CHFR: variants seen among roughly 807,000 people sequenced by gnomAD.
CHFR encodes checkpoint with forkhead and ring finger domains.
Under a neutral mutation model 87.6 loss-of-function variants are expected in CHFR, and 57 were observed. The observed-to-expected ratio is 0.65, with a 90% CI of 0.53 to 0.81. CHFR has a LOEUF of 0.81. CHFR is among the 30% of genes least tolerant of loss of function. CHFR has a pLI of 0.00. For synonymous variants in CHFR, 381 were observed against 359.2 expected (o/e 1.06, Z -0.69); for missense variants, 797 against 865.8 (o/e 0.92, Z 1.00).
chr12:132,843,810 G>T (rs1010224370), intron 16 of CHFR, among the ~76,000 whole-genome samples: 2 of 152,010 alleles, frequency 1.3e-5, no homozygotes, highest in African/African-American at 4.8e-5. Context: ...TTAGCCGGGC[G>T]TGGTGGCGGG....
chr12:132,853,492 G>A lies in CHFR; in HGVS notation c.1311C>T (p.Gly437=), dbSNP rs374006779. The A allele has an allele frequency of 2.3e-5, 35 of 1,532,750 alleles. No homozygotes were observed. In the African/African-American group the frequency reaches 3.5e-4, roughly 15 times the overall value. The allele number at this position is 1,532,750 out of a possible 1,614,324, so 94.9% of individuals were successfully genotyped here. A position where few individuals can be genotyped will look rare whatever the true frequency, so the allele number is the denominator to read the frequency against. The change falls in exon 11 of 18, where the codon GGC becomes GGT. Residue 437 remains glycine (G), a synonymous_variant. Transcript: ENST00000450056. ...CCAGGGCCTGTGGGGCTCCTGGCTC[G>A]CCCTCGGGTGCTGGGCAGTGGGGAG... is the stretch of plus-strand genomic sequence containing the variant. The part of the protein sequence containing the change: ...AQPPHCPAPE[G]EPGAPQALGD...
At chr12:132,863,585 T>A (rs867772034) in intron 6 of CHFR, among the ~76,000 whole-genome samples, 3 of 152,024 alleles carry the variant, frequency 2.0e-5, no homozygotes, top group African/African-American at 7.3e-5. Flanking sequence ...AGTGGAGGGA[T>A]GCATAGCTTC....
In CHFR at chr12:132,839,851, CT is replaced by C. The variant is rs1332470640; in HGVS notation, c.*1702del. 1.2e-5 allele frequency: 2 copies of C among 166,568 alleles called. No individual in the cohort carries two copies. The highest frequency in any genetic ancestry group is 2.0e-4 in the East Asian group (1 of 4,974). 10.3% of individuals were successfully genotyped at this position (166,568 alleles called of 1,614,324 possible). ...CCCCTGCACAAACTCGGGATCTCCC[CT>C]CTCAGCCTCGCCCCTGCACTAACTT... is the stretch of plus-strand genomic sequence containing the variant. On this transcript the variant is annotated 3_prime_UTR_variant, in exon 18 of 18. Transcript: ENST00000450056.
At chr12:132,863,614 C>T (rs1168999063) in intron 6 of CHFR, among the ~76,000 whole-genome samples, 1 of 152,122 alleles carries the variant, frequency 6.6e-6, no homozygotes, top group East Asian at 1.9e-4. Flanking sequence ...GGAGATGGTG[C>T]TGCGTGTGAA....
At chr12:132,867,011 G>C (rs1951361043) in intron 6 of CHFR, 1 of 152,418 alleles carries the variant, frequency 6.6e-6, no homozygotes, top group African/African-American at 2.4e-5. Flanking sequence ...TCCAGCCTGG[G>C]CAACAGAGCA....
intron 12 of CHFR, among the ~76,000 whole-genome samples, chr12:132,850,287 G>A (rs563625466): frequency 5.8e-4 from 89 of 152,148 alleles, no homozygotes; most frequent in Non-Finnish European, 9.4e-4. Context: ...GTAAACCCTC[G>A]CTAAAATTCT....
At chr12:132,871,638 G>C (rs1951492356) in intron 4 of CHFR, among the ~76,000 whole-genome samples, 1 of 151,846 alleles carries the variant, frequency 6.6e-6, no homozygotes, top group African/African-American at 2.4e-5. Flanking sequence ...CGGGCGTGGT[G>C]GTGGGCACCT....
intron 6 of CHFR, chr12:132,866,551 A>C (rs1951343126): frequency 6.6e-6 from 1 of 151,172 alleles, no homozygotes; most frequent in Non-Finnish European, 1.5e-5. Context: ...GTTACAACAC[A>C]CCGCGATTGT....
intron 3 of CHFR, among the ~76,000 whole-genome samples, 183 bp from the exon 4 acceptor site, chr12:132,872,577 G>A (rs910293636): frequency 5.3e-5 from 8 of 151,806 alleles, no homozygotes; most frequent in East Asian, 1.9e-4. Flanking sequence ...GAAATGGCTC[G>A]CCCACTTCTC....
chr12:132,856,187 C>T (rs1951065908), intron 10 of CHFR, among the ~76,000 whole-genome samples: 1 of 152,206 alleles, frequency 6.6e-6, no homozygotes, highest in Admixed American at 6.5e-5. Context: ...GGGTGTCAGC[C>T]GAGGGTGCAA....
chr12:132,866,713 C>T (rs1008975066), intron 6 of CHFR: 6 of 152,200 alleles, frequency 3.9e-5, no homozygotes, highest in African/African-American at 1.4e-4. Context: ...AATGTTACAA[C>T]ACATTGGAAT....
At chr12:132,861,711 C>T in intron 6 of CHFR, 77 bp from the exon 7 acceptor site, 1 of 1,411,894 alleles carries the variant, frequency 7.1e-7, no homozygotes, top group Admixed American at 2.0e-5. Context: ...GTGTCACTGA[C>T]TGGAGCCCAG....
chr12:132,865,659 T>G (rs1274258617), intron 6 of CHFR, among the ~76,000 whole-genome samples: 2 of 136,750 alleles, frequency 1.5e-5, no homozygotes, highest in South Asian at 5.1e-4. Flanking sequence ...AGGTCTTTTT[T>G]TTTTTTTTTT....
intron 6 of CHFR, 88 bp downstream of exon 6, chr12:132,869,531 G>T (rs1224745763): frequency 2.4e-6 from 3 of 1,253,610 alleles, no homozygotes; most frequent in African/African-American, 3.0e-5. Flanking sequence ...GTCCTCAGTC[G>T]CTTATCTGCC....
In CHFR at chr12:132,853,515, G is replaced by A. The variant is rs1366854652; in HGVS notation, c.1288C>T (p.Pro430Ser). The change falls in exon 11 of 18, where the codon CCC (proline) becomes TCC (serine). Residue 430 changes from proline to serine, a missense_variant. Coordinates refer to ENST00000450056, the MANE Select transcript of CHFR (RefSeq NM_001161346.2). The part of the protein sequence containing the change: ...PEYRRQAAQP[P>S]HCPAPEGEPG... ...TCGCCCTCGGGTGCTGGGCAGTGGG[G>A]AGGCTGCGCCGCCTGCCTTCTGTAC... 2.0e-6 allele frequency: 3 copies of A among 1,530,764 alleles called. No homozygotes were observed. Among genetic ancestry groups the A allele is most frequent in the Non-Finnish European group, 1.8e-6 (2 of 1,142,754 alleles). The allele number at this position is 1,530,764 out of a possible 1,614,324, so 94.8% of individuals were successfully genotyped here.
rs571312422 is a variant in CHFR, at chr12:132,873,456, G to A, written c.234-1062C>T. 7.2e-5 allele frequency among the ~76,000 whole-genome samples: 11 copies of A among 152,350 alleles called. 1 individual carries two copies. In the East Asian group the frequency reaches 2.1e-3, roughly 29 times the overall value. ...AGATGCGGTTTTGAGCTGTGCAGAT[G>A]CACTTATACACGGGTTTTTTTCAAT... On this transcript the variant is annotated intron_variant, in intron 3 of 17. Coordinates refer to ENST00000450056, the MANE Select transcript of CHFR (RefSeq NM_001161346.2).
chr12:132,846,933 T>G, intron 15 of CHFR, 110 bp downstream of exon 15: 1 of 761,142 alleles, frequency 1.3e-6, no homozygotes, highest in South Asian at 1.5e-5. Context: ...ATCTTTTTCC[T>G]CTCTTCCAGG....
chr12:132,862,641 A>T (rs1951240524), intron 6 of CHFR, among the ~76,000 whole-genome samples: 1 of 151,638 alleles, frequency 6.6e-6, no homozygotes, highest in Non-Finnish European at 1.5e-5. Flanking sequence ...CCCAGGCTGG[A>T]GTGCAGTGGC....
At chr12:132,852,136 A>G (rs1162688248) in intron 11 of CHFR, among the ~76,000 whole-genome samples, 2 of 148,288 alleles carry the variant, frequency 1.3e-5, no homozygotes, top group Admixed American at 1.4e-4. Flanking sequence ...GGTGCCTGCC[A>G]CGCCTGGCTA....
Sources: gnomAD v4.1 joint callset for allele counts (sites outside exome capture counted in the v4.1 genomes callset) on GRCh38, gnomAD v4.1.1 for gene constraint, MANE v1.5 for transcripts, NCBI Gene and HGNC (gene_info 2026-07-23, HGNC 2026-07-21) for gene names.